Variants in RIN3 observed in about 807,000 individuals in gnomAD.
The protein encoded by RIN3 is Ras and Rab interactor 3.
A neutral mutation model predicts 76.3 loss-of-function variants in RIN3; 54 were observed. That is an observed-to-expected ratio of 0.71 (90% CI 0.57 to 0.89). RIN3 has a LOEUF of 0.89. Among genes scored for constraint, RIN3 ranks in the 40% least tolerant of loss-of-function variants. The pLI is 0.00. For missense variants in RIN3, 1,256 were observed against 1,322.1 expected, an observed-to-expected ratio of 0.95 and a Z score of 0.78; for synonymous variants, 576 against 564.0, an observed-to-expected ratio of 1.02 and a Z score of -0.30.
At chr14:92,684,444 C>A (rs997110954) in intron 8 of RIN3, among the ~76,000 whole-genome samples, 1 of 150,470 alleles carries the variant, frequency 6.6e-6, no homozygotes, top group Non-Finnish European at 1.5e-5. Flanking sequence ...TTGAATATCT[C>A]ATGTAATGTA....
chr14:92,629,781 C>A (rs755057546), intron 4 of RIN3, among the ~76,000 whole-genome samples: 2 of 152,214 alleles, frequency 1.3e-5, no homozygotes, highest in Admixed American at 6.5e-5. Context: ...GATGAGGAAA[C>A]GGAGACTGAG....
chr14:92,577,344 CCTT>C lies in RIN3; in HGVS notation c.250-12_250-10del, dbSNP rs1898274803. 6.3e-7 allele frequency: 1 copy of C among 1,586,028 alleles called. No individual in the cohort carries two copies. The highest frequency in any genetic ancestry group is 8.7e-7 in the Non-Finnish European group (1 of 1,155,356). ...ATCTTTAATTCACGGAGCTGCATCC[CCTT>C]CTTTGGTTTCAGATGTTCCTGGTTC... On this transcript the variant is annotated splice_polypyrimidine_tract_variant and intron_variant, in intron 2 of 9. Coordinates refer to ENST00000216487, the MANE Select transcript of RIN3 (RefSeq NM_024832.5).
At chr14:92,560,420 A>G (rs769592071) in intron 2 of RIN3, among the ~76,000 whole-genome samples, 18 of 152,080 alleles carry the variant, frequency 1.2e-4, no homozygotes, top group Non-Finnish European at 2.5e-4. Flanking sequence ...GTGCACCTCT[A>G]TATTTTCAAG....
intron 7 of RIN3, among the ~76,000 whole-genome samples, chr14:92,667,443 G>A (rs1382284509): frequency 3.9e-5 from 6 of 152,020 alleles, no homozygotes; most frequent in Non-Finnish European, 7.4e-5. Context: ...CTTGAACCCA[G>A]GAGGCGGAGG....
intron 4 of RIN3, among the ~76,000 whole-genome samples, chr14:92,624,191 A>G (rs925543219): frequency 2.6e-5 from 4 of 152,248 alleles, no homozygotes; most frequent in Non-Finnish European, 4.4e-5. Context: ...TTTAACCTCT[A>G]CAATAGCTAC....
At chr14:92,639,107 G>A (rs8017488) in intron 4 of RIN3, among the ~76,000 whole-genome samples, 5,794 of 152,318 alleles carry the variant, frequency 0.038, 378 homozygotes, top group African/African-American at 0.13. Context: ...TTGGAGCCTC[G>A]TGGTGAGTGC....
intron 2 of RIN3, among the ~76,000 whole-genome samples, chr14:92,556,191 C>T (rs1302991078): frequency 6.6e-6 from 1 of 152,078 alleles, no homozygotes; most frequent in Non-Finnish European, 1.5e-5. Flanking sequence ...GACTGGAGAG[C>T]AGGTAGTGGG....
At chr14:92,578,507 G>A (rs1016762492) in intron 3 of RIN3, among the ~76,000 whole-genome samples, 1 of 152,172 alleles carries the variant, frequency 6.6e-6, no homozygotes, top group South Asian at 2.1e-4. Context: ...ATCAAGACGG[G>A]AATTGCAACA....
chr14:92,533,992 T>C (rs1197579815), intron 1 of RIN3, among the ~76,000 whole-genome samples: 2 of 152,192 alleles, frequency 1.3e-5, no homozygotes, highest in Non-Finnish European at 1.5e-5. Context: ...CAAAATTCTA[T>C]TGGATAGCAC....
In RIN3 at chr14:92,652,792, G is replaced by A. The variant is rs574603450; in HGVS notation, c.1743G>A (p.Arg581=). ...PSMILGKARH[R]LSFASFSSMF... is the part of the protein sequence containing the mutation. ...TGATCCTGGGCAAGGCTCGGCACCG[G>A]CTGAGCTTTGCCAGTTTCAGCAGCA... The change falls in exon 6 of 10, where the codon CGG becomes CGA. Residue 581 remains arginine, a synonymous_variant. Coordinates refer to ENST00000216487, the MANE Select transcript of RIN3 (RefSeq NM_024832.5). The surrounding 1 kb of genome is among the most constrained non-coding windows in gnomAD (Gnocchi z 6.4). 26 of 1,614,022 alleles carry A rather than the reference G, an allele frequency of 1.6e-5. No individual in the cohort carries two copies. In the South Asian group the frequency reaches 2.3e-4, roughly 14 times the overall value.
At chr14:92,524,301 A>T (rs780598965) in intron 1 of RIN3, among the ~76,000 whole-genome samples, 1 of 152,196 alleles carries the variant, frequency 6.6e-6, no homozygotes, top group African/African-American at 2.4e-5. Context: ...CTTCGTTGAA[A>T]CAGTCTTGGG....
Position 92,656,292 on chromosome 14 carries a change from G to A in RIN3, c.2027-2869G>A, listed in dbSNP as rs1887665413. Among the ~76,000 whole-genome samples, 2 of 152,202 alleles carry A rather than the reference G, an allele frequency of 1.3e-5. No individual in the cohort carries two copies. The highest frequency in any genetic ancestry group is 2.4e-5 in the African/African-American group (1 of 41,434). On this transcript the variant is annotated intron_variant, in intron 6 of 9. Transcript: ENST00000216487. The surrounding 1 kb of genome is among the most constrained non-coding windows in gnomAD (Gnocchi z 5.2). The stretch of plus-strand genomic sequence containing the variant: ...GTGGGGAACGAGGCTGGAGGATCAC[G>A]GGCCATTCACACAGGCAGTGAAAGT...
intron 4 of RIN3, among the ~76,000 whole-genome samples, chr14:92,638,223 A>C: frequency 6.6e-6 from 1 of 152,172 alleles, no homozygotes; most frequent in Non-Finnish European, 1.5e-5. Flanking sequence ...AAGTAGATGT[A>C]GGTGCTGGGG....
chr14:92,546,802 G>A (rs1034296027), intron 1 of RIN3, among the ~76,000 whole-genome samples: 7 of 151,970 alleles, frequency 4.6e-5, no homozygotes, highest in Non-Finnish European at 7.4e-5. Context: ...GGGGGAATGA[G>A]ATGTCCCTGG....
intron 1 of RIN3, among the ~76,000 whole-genome samples, chr14:92,546,455 C>T (rs748205848): frequency 6.6e-6 from 1 of 152,212 alleles, no homozygotes; most frequent in Non-Finnish European, 1.5e-5. Context: ...TACTGCATTT[C>T]CTGCCTTTTA....
chr14:92,666,573 G>T (rs971397226), intron 7 of RIN3, among the ~76,000 whole-genome samples: 35 of 72,110 alleles, frequency 4.9e-4, no homozygotes, highest in Admixed American at 1.3e-3. Context: ...CTGGAATCAG[G>T]AGCAGACCGG....
intron 3 of RIN3, among the ~76,000 whole-genome samples, chr14:92,612,696 G>C (rs1885791406): frequency 6.6e-6 from 1 of 152,286 alleles, no homozygotes. Context: ...ATGGAAAGGT[G>C]GCAGAAAGGG....
intron 5 of RIN3, chr14:92,644,957 AACTC>A (rs1165060975): frequency 6.6e-6 from 1 of 152,356 alleles, no homozygotes; most frequent in East Asian, 1.9e-4. Flanking sequence ...AAAGAAGTGA[AACTC>A]ACTCAAACTA....
chr14:92,684,561 A>C (rs1348759472), intron 8 of RIN3, among the ~76,000 whole-genome samples: 1 of 152,176 alleles, frequency 6.6e-6, no homozygotes, highest in African/African-American at 2.4e-5. Flanking sequence ...TCAAAAAATC[A>C]TAAATGGAAC....
Sources: allele counts gnomAD v4.1 joint callset (sites outside exome capture counted in the v4.1 genomes callset), GRCh38; gene constraint gnomAD v4.1.1; non-coding constraint Gnocchi (gnomAD v3.1); transcripts MANE v1.5; gene names NCBI Gene and HGNC (gene_info 2026-07-23, HGNC 2026-07-21).